MAP3K1: variants seen among roughly 807,000 people sequenced by gnomAD.
MAP3K1 encodes the protein MAP/ERK kinase kinase 1.
A neutral mutation model predicts 144.2 loss-of-function variants in MAP3K1; 36 were observed. The observed-to-expected ratio is 0.25, with a 90% confidence interval of 0.19 to 0.33. MAP3K1 has a LOEUF of 0.33. Among genes scored for constraint, MAP3K1 ranks in the 10% least tolerant of loss-of-function variants. MAP3K1 has a pLI of 1.00. For synonymous variants in MAP3K1, 718 were observed against 688.7 expected, an observed-to-expected ratio of 1.04 and a Z score of -0.67; for missense variants, 1,650 against 1,881.9, an observed-to-expected ratio of 0.88 and a Z score of 2.28.
In MAP3K1 at chr5:56,828,177, A is replaced by G. The variant is rs577564859; in HGVS notation, c.482+12122A>G. Among the ~76,000 whole-genome samples, 3 of 152,296 alleles carry G rather than the reference A, an allele frequency of 2.0e-5. No individual in the cohort carries two copies. In the South Asian group the frequency reaches 6.2e-4, roughly 32 times the overall value. The stretch of plus-strand genomic sequence containing the variant: ...TTTGTGTAGATAATACATCATCTTG[A>G]TAACAATACATTTTCCCCTGTTATT... On this transcript the variant is annotated intron_variant, in intron 1 of 19. Transcript: ENST00000399503.
intron 9 of MAP3K1, among the ~76,000 whole-genome samples, chr5:56,874,154 T>C (rs1173078601): frequency 1.3e-5 from 2 of 152,228 alleles, no homozygotes; most frequent in Non-Finnish European, 2.9e-5. Context: ...AGTTGGTTCA[T>C]TCTCCCATAA....
intron 19 of MAP3K1, among the ~76,000 whole-genome samples, chr5:56,888,802 G>T (rs1748460621): frequency 6.6e-6 from 1 of 152,092 alleles, no homozygotes; most frequent in Non-Finnish European, 1.5e-5. Flanking sequence ...TGTATTAACT[G>T]CATTTTCAAC....
chr5:56,886,883 C>T (rs1434746427), intron 17 of MAP3K1, among the ~76,000 whole-genome samples: 3 of 152,116 alleles, frequency 2.0e-5, no homozygotes, highest in Non-Finnish European at 2.9e-5. Context: ...CCTCAGCCTC[C>T]CAAGTAGCTA....
intron 1 of MAP3K1, chr5:56,817,205 TAC>T: frequency 1.9e-6 from 1 of 520,030 alleles, no homozygotes; most frequent in Non-Finnish European, 2.5e-6. Context: ...GTGTGACAGC[TAC>T]ATCCTTGTTT....
At chr5:56,881,541 A>G (rs1410681403) in intron 13 of MAP3K1, 29 bp from the exon 14 acceptor site, 1 of 1,531,490 alleles carries the variant, frequency 6.5e-7, no homozygotes, top group Non-Finnish European at 9.0e-7. Flanking sequence ...ATTGGAACTT[A>G]TATGGTAATG....
intron 1 of MAP3K1, among the ~76,000 whole-genome samples, chr5:56,831,834 T>A (rs1459082505): frequency 6.6e-6 from 1 of 152,238 alleles, no homozygotes; most frequent in Non-Finnish European, 1.5e-5. Flanking sequence ...GTTTACTGTG[T>A]CTGTTAAAGT....
chr5:56,825,421 T>G (rs1409789329), intron 1 of MAP3K1, among the ~76,000 whole-genome samples: 1 of 152,200 alleles, frequency 6.6e-6, no homozygotes. Context: ...CAGCCGTATC[T>G]TTGCTGACTC....
chr5:56,852,466 C>T (rs1193248030), intron 1 of MAP3K1, among the ~76,000 whole-genome samples: 4 of 152,150 alleles, frequency 2.6e-5, no homozygotes, highest in African/African-American at 9.7e-5. Context: ...AGTTCTGTGT[C>T]AGGTCACAAA....
At chr5:56,834,058 G>C (rs1016777377) in intron 1 of MAP3K1, among the ~76,000 whole-genome samples, 1 of 152,096 alleles carries the variant, frequency 6.6e-6, no homozygotes, top group Non-Finnish European at 1.5e-5. Context: ...GGTCACTCAG[G>C]TAAAACTGAA....
At chr5:56,874,804 C>T (rs1180493242) in intron 9 of MAP3K1, among the ~76,000 whole-genome samples, 1 of 151,956 alleles carries the variant, frequency 6.6e-6, no homozygotes, top group Non-Finnish European at 1.5e-5. Flanking sequence ...ATTAATTTTA[C>T]CTGAGCTAAT....
rs369842451 is a variant in MAP3K1, at chr5:56,893,730, A to G, written c.*50A>G. ...AGAAACAGGATGCTCAACAAGAGAA[A>G]AAAAACTTGTGGGGAACCACATTGA... On this transcript the variant is annotated 3_prime_UTR_variant, in exon 20 of 20. Transcript: ENST00000399503. The G allele has an allele frequency of 1.9e-6, 3 of 1,602,870 alleles. No homozygotes were observed. The highest frequency in any genetic ancestry group is 2.6e-6 in the Non-Finnish European group (3 of 1,172,366).
intron 10 of MAP3K1, among the ~76,000 whole-genome samples, chr5:56,875,641 TCCACTTA>T (rs562429548): frequency 1.8e-3 from 275 of 152,240 alleles, no homozygotes; most frequent in African/African-American, 6.4e-3. Flanking sequence ...ATCCTCCTTT[TCCACTTA>T]CCACTAGAGA....
Position 56,895,340 on chromosome 5 carries a change from T to A in MAP3K1, c.*1660T>A. 1 of 229,590 alleles carries A rather than the reference T, an allele frequency of 4.4e-6. No homozygotes were observed. The highest frequency in any genetic ancestry group is 6.1e-5 in the East Asian group (1 of 16,356). The allele number at this position is 229,590 out of a possible 1,614,324, so 14.2% of individuals were successfully genotyped here. On this transcript the variant is annotated 3_prime_UTR_variant, in exon 20 of 20. Transcript: ENST00000399503. ...GTGAAGTTTGGTATCTCTAAATGTG[T>A]TGTACTTGACTTTCTTTTTTATTTT...
intron 10 of MAP3K1, among the ~76,000 whole-genome samples, chr5:56,876,867 T>C (rs1343734457): frequency 6.6e-6 from 1 of 152,224 alleles, no homozygotes; most frequent in Non-Finnish European, 1.5e-5. Context: ...CCCAAATCAT[T>C]TAGAAACCTT....
At chr5:56,880,647 C>T (rs1748176163) in intron 11 of MAP3K1, 64 bp from the exon 12 acceptor site, 2 of 1,079,454 alleles carry the variant, frequency 1.9e-6, no homozygotes, top group Non-Finnish European at 2.9e-6. Context: ...TACATTACTC[C>T]TCTAATATTG....
chr5:56,879,004 T>C lies in MAP3K1; in HGVS notation c.1990T>C (p.Tyr664His). 1.2e-6 allele frequency: 2 copies of C among 1,613,962 alleles called. No homozygotes were observed. Among genetic ancestry groups the C allele is most frequent in the Non-Finnish European group, 1.7e-6 (2 of 1,179,890 alleles). ...ALKTLRAMLVYTPCHSLAERI... is the reference protein window; with the variant it reads ...ALKTLRAMLVHTPCHSLAERI... Reference sequence around the variant, plus strand: ...GAAAACATTGAGAGCCATGCTGGTATATACTCCTTGCCACAGTTTAGCGGA... The same window carrying C: ...GAAAACATTGAGAGCCATGCTGGTACATACTCCTTGCCACAGTTTAGCGGA... The change falls in exon 11 of 20, where the codon TAT becomes CAT. Residue 664 changes from tyrosine (Y) to histidine (H), a missense_variant. This residue lies in a region of MAP3K1 where 841 missense variants were observed against 886.5 expected (regional missense o/e 0.95). Coordinates refer to ENST00000399503, the MANE Select transcript of MAP3K1 (RefSeq NM_005921.2).
chr5:56,861,174 T>C (rs1245183985), intron 3 of MAP3K1, among the ~76,000 whole-genome samples: 1 of 152,200 alleles, frequency 6.6e-6, no homozygotes, highest in Non-Finnish European at 1.5e-5. Flanking sequence ...CCATTTGGAT[T>C]TTTAATGTGC....
chr5:56,832,350 G>A (rs1243401496), intron 1 of MAP3K1, among the ~76,000 whole-genome samples: 2 of 152,172 alleles, frequency 1.3e-5, no homozygotes, highest in Non-Finnish European at 2.9e-5. Flanking sequence ...ACAGTGCTGG[G>A]TCTGGGATCC....
intron 1 of MAP3K1, among the ~76,000 whole-genome samples, chr5:56,841,189 T>C (rs1746801526): frequency 7.5e-6 from 1 of 134,224 alleles, no homozygotes; most frequent in South Asian, 2.6e-4. Flanking sequence ...GAGAAATGTA[T>C]GGCTTATTGA....
Sources: allele counts gnomAD v4.1 joint callset (sites outside exome capture counted in the v4.1 genomes callset), GRCh38; gene constraint gnomAD v4.1.1; regional missense constraint gnomAD v4.1.1; transcripts MANE v1.5; gene names NCBI Gene and HGNC (gene_info 2026-07-23, HGNC 2026-07-21).